The following PNOC variants were observed in gnomAD, a reference collection of about 807,000 sequenced individuals.
PNOC encodes the protein prepronociceptin.
PNOC carries 10 observed loss-of-function variants against 15.6 expected under a neutral mutation model. The observed-to-expected ratio is 0.64, with a 90% CI of 0.40 to 1.09. The LOEUF is 1.09. PNOC is among the 50% of genes least tolerant of loss of function. The probability of loss-of-function intolerance (pLI) is 0.01; values close to 1 mark genes in which losing one functional copy is unlikely to be tolerated. For missense variants in PNOC, 220 were observed against 223.9 expected, an observed-to-expected ratio of 0.98 and a Z score of 0.11; for synonymous variants, 98 against 88.5, an observed-to-expected ratio of 1.11 and a Z score of -0.60.
rs1308350226 is a variant in PNOC, at chr8:28,339,247, G to A, written c.334G>A (p.Glu112Lys). The A allele has an allele frequency of 1.2e-6, 2 of 1,610,010 alleles. No individual in the cohort carries two copies. Among genetic ancestry groups the A allele is most frequent in the Non-Finnish European group, 1.7e-6 (2 of 1,176,496 alleles). ...CTTGTTCCAGGAGCAGGAAGAGCCCGAGCCTGGCATGGAGGAGGCTGGTGA... is the reference window on the plus strand; with the variant it reads ...CTTGTTCCAGGAGCAGGAAGAGCCCAAGCCTGGCATGGAGGAGGCTGGTGA... ...RSLFQEQEEPEPGMEEAGEME... is the reference protein window; with the variant it reads ...RSLFQEQEEPKPGMEEAGEME... Residue 112 changes from glutamate (E) to lysine (K), a missense_variant, in exon 3 of 4, where the codon GAG becomes AAG. Glu to Lys is a moderately conservative substitution (Grantham distance 56, BLOSUM62 1). Coordinates refer to ENST00000301908, the MANE Select transcript of PNOC (RefSeq NM_006228.5).
chr8:28,333,053 G>T (rs576958200), intron 2 of PNOC, among the ~76,000 whole-genome samples: 4 of 152,326 alleles, frequency 2.6e-5, no homozygotes, highest in South Asian at 4.1e-4. Context: ...GTGACTTGCA[G>T]TAGGAGTTCC....
At position 28,339,220 on chromosome 8, in the gene PNOC, A is replaced by G; in HGVS notation, c.307A>G (p.Ser103Gly). ...QHLRRMPRVR[S>G]LFQEQEEPEP... is the part of the protein sequence containing the mutation. ...TCTGCGGCGAATGCCCCGAGTCCGG[A>G]GCTTGTTCCAGGAGCAGGAAGAGCC... The change falls in exon 3 of 4, where the codon AGC becomes GGC. Residue 103 changes from serine (S) to glycine (G), a missense_variant. Physicochemically the swap from Ser to Gly is moderately conservative, Grantham distance 56. Transcript: ENST00000301908. 6.2e-7 allele frequency: 1 copy of G among 1,612,246 alleles called. No homozygotes were observed. The highest frequency in any genetic ancestry group is 8.5e-7 in the Non-Finnish European group (1 of 1,178,440).
At chr8:28,330,405 T>TTTTTTTTTTATTTTA (rs1563328732) in intron 2 of PNOC, among the ~76,000 whole-genome samples, 6 of 134,736 alleles carry the variant, frequency 4.5e-5, no homozygotes, top group Non-Finnish European at 6.4e-5. Context: ...TATTTTTTTT[T>TTTTTTTTTTATTTTA]TTTTTTTGAG....
intron 1 of PNOC, among the ~76,000 whole-genome samples, chr8:28,325,026 A>C (rs1801202911): frequency 6.6e-6 from 1 of 152,170 alleles, no homozygotes; most frequent in Non-Finnish European, 1.5e-5. Flanking sequence ...CCATTTTTGC[A>C]GATGAGGAAA....
intron 1 of PNOC, among the ~76,000 whole-genome samples, chr8:28,318,686 G>C (rs192266319): frequency 2.6e-5 from 4 of 152,284 alleles, no homozygotes; most frequent in Admixed American, 2.0e-4. Flanking sequence ...CTGCAGAGGA[G>C]GGTCCCTGGA....
chr8:28,339,579 A>T, intron 3 of PNOC, 88 bp downstream of exon 3: 1 of 1,060,026 alleles, frequency 9.4e-7, no homozygotes, highest in Non-Finnish European at 1.3e-6. Context: ...AAGCACATTC[A>T]TCTCCCCGCC....
chr8:28,343,168 A>G lies in PNOC; in HGVS notation c.*274A>G, dbSNP rs17058993. 0.011 allele frequency: 1,909 copies of G among 180,612 alleles called. 53 individuals are homozygous for G. The highest frequency in any genetic ancestry group is 0.044 in the African/African-American group (1,835 of 42,118). The allele number at this position is 180,612 out of a possible 1,614,324, so 11.2% of individuals were successfully genotyped here. ...TGTAATTCCTCTAGCTACCATTTCAATAGCCCCATCTCTCCTGCTCACCCG... is the reference window on the plus strand; with the variant it reads ...TGTAATTCCTCTAGCTACCATTTCAGTAGCCCCATCTCTCCTGCTCACCCG... On this transcript the variant is annotated 3_prime_UTR_variant, in exon 4 of 4. Coordinates refer to ENST00000301908, the MANE Select transcript of PNOC (RefSeq NM_006228.5).
chr8:28,330,289 G>A (rs1411412318), intron 2 of PNOC, among the ~76,000 whole-genome samples: 1 of 151,620 alleles, frequency 6.6e-6, no homozygotes, highest in Non-Finnish European at 1.5e-5. Context: ...TGCAGATTTA[G>A]TATCCTGAAA....
chr8:28,322,127 C>A (rs1189369710), intron 1 of PNOC, among the ~76,000 whole-genome samples: 1 of 152,078 alleles, frequency 6.6e-6, no homozygotes, highest in African/African-American at 2.4e-5. Flanking sequence ...GTGGCTCATG[C>A]CTGTAATCCC....
rs1191291049 is a variant in PNOC at position 28,327,567 on chromosome 8, TTTC to T, written c.-23-1565_-23-1563del. Among the ~76,000 whole-genome samples, 6 of 150,942 alleles carry T rather than the reference TTTC, an allele frequency of 4.0e-5. 2 individuals carry two copies. Among genetic ancestry groups the T allele is most frequent in the Non-Finnish European group, 7.4e-5 (5 of 67,456 alleles). ...TGGCTTATAAACAACATAAAATTCT[TTTC>T]TTTTTTTTTTTTTTGAGATGGAGTC... On this transcript the variant is annotated intron_variant, in intron 1 of 3. Coordinates refer to ENST00000301908, the MANE Select transcript of PNOC (RefSeq NM_006228.5).
At chr8:28,331,125 TG>T (rs1563328940) in intron 2 of PNOC, among the ~76,000 whole-genome samples, 1 of 152,122 alleles carries the variant, frequency 6.6e-6, no homozygotes, top group Non-Finnish European at 1.5e-5. Flanking sequence ...TTGGGCTCAG[TG>T]GTTTTCAAGC....
At chr8:28,337,543 G>A (rs1482205542) in intron 2 of PNOC, among the ~76,000 whole-genome samples, 5 of 149,298 alleles carry the variant, frequency 3.3e-5, no homozygotes, top group Admixed American at 2.0e-4. Flanking sequence ...CAAGTGATCC[G>A]CCTGCTTTGG....
intron 2 of PNOC, among the ~76,000 whole-genome samples, chr8:28,334,163 G>A (rs1801374627): frequency 6.6e-6 from 1 of 152,232 alleles, no homozygotes; most frequent in African/African-American, 2.4e-5. Context: ...TCCCAGTTGA[G>A]ATCCACGCCT....
chr8:28,321,016 T>C (rs1250687723), intron 1 of PNOC, among the ~76,000 whole-genome samples: 2 of 152,126 alleles, frequency 1.3e-5, no homozygotes, highest in African/African-American at 4.8e-5. Flanking sequence ...GGTCTTGCTA[T>C]ATTGCCCAGG....
intron 1 of PNOC, among the ~76,000 whole-genome samples, chr8:28,327,234 T>C: frequency 6.6e-6 from 1 of 152,222 alleles, no homozygotes; most frequent in East Asian, 1.9e-4. Flanking sequence ...GGACCCAAAA[T>C]GATACAGTAC....
In PNOC at chr8:28,336,277, C is replaced by T. The variant is rs191993677; in HGVS notation, c.127-2763C>T. 1.4e-4 allele frequency among the ~76,000 whole-genome samples: 21 copies of T among 152,302 alleles called. No individual in the cohort carries two copies. In the South Asian group the frequency reaches 2.3e-3, roughly 17 times the overall value. On this transcript the variant is annotated intron_variant, in intron 2 of 3. Coordinates refer to ENST00000301908, the MANE Select transcript of PNOC (RefSeq NM_006228.5). ...ATGTGGTCCCTAACTTGTCATATTC[C>T]GCCTTAGAAGGTATTGCAATTTAAT...
Position 28,331,080 on chromosome 8 carries a change from G to T in PNOC, c.126+1797G>T, listed in dbSNP as rs529924809. 4.6e-5 allele frequency among the ~76,000 whole-genome samples: 7 copies of T among 152,266 alleles called. No individual in the cohort carries two copies. The South Asian group carries it at 1.5e-3, about 32-fold the overall frequency. On this transcript the variant is annotated intron_variant, in intron 2 of 3. Coordinates refer to ENST00000301908, the MANE Select transcript of PNOC (RefSeq NM_006228.5). ...CTCCCACCTCCAGATAACAGAGGAG[G>T]AGATAAAATCCAGCAGACCCAAAGC...
chr8:28,320,370 G>A (rs904482834), intron 1 of PNOC, among the ~76,000 whole-genome samples: 2 of 151,980 alleles, frequency 1.3e-5, no homozygotes, highest in Admixed American at 6.6e-5. Context: ...GCCACACAGA[G>A]CAAGTGCCAG....
chr8:28,321,531 A>G (rs971151885), intron 1 of PNOC, among the ~76,000 whole-genome samples: 4 of 152,068 alleles, frequency 2.6e-5, no homozygotes, highest in African/African-American at 9.7e-5. Context: ...TAAAGCCTTC[A>G]TCTCCTTTTC....
Sources: allele counts gnomAD v4.1 joint callset (sites outside exome capture counted in the v4.1 genomes callset), GRCh38; gene constraint gnomAD v4.1.1; transcripts MANE v1.5; gene names NCBI Gene and HGNC (gene_info 2026-07-23, HGNC 2026-07-21).